FGF14: variants seen among roughly 807,000 people sequenced by gnomAD.
FGF14 encodes the protein fibroblast growth factor homologous factor 4.
In FGF14, 5 loss-of-function variants were observed where a neutral mutation model predicts 25.5. The observed-to-expected ratio is 0.20, with a 90% CI of 0.10 to 0.41. FGF14 has a LOEUF of 0.41. Ranked by LOEUF, FGF14 falls within the 10% of genes least tolerant of loss-of-function variation. FGF14 has a pLI of 1.00. For missense variants in FGF14, 222 were observed against 320.1 expected (o/e 0.69, Z 2.34); for synonymous variants, 138 against 118.3 (o/e 1.17, Z -1.08).
intron 1 of FGF14, among the ~76,000 whole-genome samples, chr13:102,235,003 G>A (rs533438453): frequency 6.5e-4 from 99 of 152,266 alleles, no homozygotes; most frequent in African/African-American, 2.3e-3. Context: ...ATAGAATACA[G>A]TATCTGTCAT....
intron 3 of FGF14, among the ~76,000 whole-genome samples, chr13:101,810,476 C>G (rs2041442650): frequency 6.6e-6 from 1 of 152,142 alleles, no homozygotes; most frequent in East Asian, 1.9e-4. Context: ...TAGATGAAGC[C>G]TGCTTAGTGG....
chr13:102,286,955 G>A (rs2054128729), intron 1 of FGF14, among the ~76,000 whole-genome samples: 1 of 150,118 alleles, frequency 6.7e-6, no homozygotes, highest in South Asian at 2.2e-4. Context: ...GACAATGGTT[G>A]TGATATTTGA....
chr13:102,120,941 T>C (rs1211563990), intron 1 of FGF14, among the ~76,000 whole-genome samples: 4 of 152,114 alleles, frequency 2.6e-5, no homozygotes, highest in Non-Finnish European at 5.9e-5. Context: ...TGATCTCAGG[T>C]GATCCGCCTG....
intron 3 of FGF14, among the ~76,000 whole-genome samples, chr13:101,775,221 A>C (rs2039030226): frequency 6.6e-6 from 1 of 152,176 alleles, no homozygotes; most frequent in Non-Finnish European, 1.5e-5. Context: ...TGTTCTAATA[A>C]AGAAATTAGA....
intron 1 of FGF14, among the ~76,000 whole-genome samples, chr13:102,372,663 G>GT (rs374661515): frequency 0.017 from 2,470 of 148,790 alleles, 64 homozygotes; most frequent in African/African-American, 0.056. Context: ...TCTCAGAATA[G>GT]TTTTTTTTTT....
At chr13:101,819,625 C>A (rs1430473555) in intron 3 of FGF14, among the ~76,000 whole-genome samples, 1 of 152,214 alleles carries the variant, frequency 6.6e-6, no homozygotes, top group Non-Finnish European at 1.5e-5. Flanking sequence ...TTCAAAATAA[C>A]TGCATCAGCA....
chr13:101,883,482 G>A (rs750052978), intron 1 of FGF14, among the ~76,000 whole-genome samples: 5 of 152,124 alleles, frequency 3.3e-5, no homozygotes, highest in African/African-American at 7.2e-5. Context: ...TGTTCCAAGC[G>A]TTTTGTTAGG....
chr13:102,340,408 T>G (rs947428401), intron 1 of FGF14, among the ~76,000 whole-genome samples: 1 of 151,868 alleles, frequency 6.6e-6, no homozygotes, highest in East Asian at 1.9e-4. Context: ...AGCTATTCTT[T>G]GCCCGCACAT....
chr13:102,277,581 C>G (rs1356952723), intron 1 of FGF14, among the ~76,000 whole-genome samples: 1 of 152,228 alleles, frequency 6.6e-6, no homozygotes. Context: ...CAGCCCTGGG[C>G]TCTGCTCTGC....
intron 1 of FGF14, among the ~76,000 whole-genome samples, chr13:101,988,830 C>T (rs1177369606): frequency 6.6e-6 from 1 of 151,902 alleles, no homozygotes. Context: ...ACGTTGTGCA[C>T]ATGTACCCTA....
intron 1 of FGF14, among the ~76,000 whole-genome samples, chr13:102,397,573 C>G (rs1006682829): frequency 6.6e-6 from 1 of 152,136 alleles, no homozygotes; most frequent in Admixed American, 6.5e-5. Flanking sequence ...AAAATCCTAC[C>G]AAGCCATGGA....
At chr13:102,006,335 G>C (rs1376251506) in intron 1 of FGF14, among the ~76,000 whole-genome samples, 1 of 152,128 alleles carries the variant, frequency 6.6e-6, no homozygotes, top group Non-Finnish European at 1.5e-5. Context: ...AGCTGATGAA[G>C]AACAGCAGGT....
chr13:101,724,907 T>A (rs1197109404), intron 4 of FGF14, among the ~76,000 whole-genome samples: 1 of 151,824 alleles, frequency 6.6e-6, no homozygotes, highest in Non-Finnish European at 1.5e-5. Flanking sequence ...AACACTCATA[T>A]ACACATAACA....
chr13:101,975,014 G>A (rs530642562), intron 1 of FGF14, among the ~76,000 whole-genome samples: 38 of 152,190 alleles, frequency 2.5e-4, no homozygotes, highest in African/African-American at 8.7e-4. Flanking sequence ...GGGGTGGGAA[G>A]CGTAAAATAA....
intron 3 of FGF14, among the ~76,000 whole-genome samples, chr13:101,770,572 C>G (rs1321977732): frequency 1.3e-5 from 2 of 152,070 alleles, no homozygotes; most frequent in African/African-American, 2.4e-5. Flanking sequence ...AAACAGTCAT[C>G]TAATTGTTTT....
intron 1 of FGF14, among the ~76,000 whole-genome samples, chr13:101,922,700 T>A (rs2034087724): frequency 6.6e-6 from 1 of 152,234 alleles, no homozygotes; most frequent in South Asian, 2.1e-4. Flanking sequence ...TTATTGAAAT[T>A]GAATTGATTA....
chr13:101,827,990 T>C (rs527427269), intron 3 of FGF14, among the ~76,000 whole-genome samples: 94 of 151,388 alleles, frequency 6.2e-4, no homozygotes, highest in African/African-American at 2.0e-3. Flanking sequence ...CATGTCAGGA[T>C]ATAAATTTCA....
rs565634859 is a variant in FGF14 at position 102,189,369 on chromosome 13, A to T, written c.208+212102T>A. ...TAGGAAAATAACTAAGGATGGCAGG[A>T]TAAGGTGGAGAGAGGAAAAATCAGA... On this transcript the variant is annotated intron_variant, in intron 1 of 4. Coordinates refer to the FGF14 transcript ENST00000376131. Among the ~76,000 whole-genome samples the T allele has an allele frequency of 5.0e-4, 76 of 152,358 alleles. 1 individual carries two copies. The highest frequency in any genetic ancestry group is 1.6e-3 in the African/African-American group (65 of 41,594).
chr13:101,895,773 T>C (rs2030560252), intron 1 of FGF14, among the ~76,000 whole-genome samples: 2 of 152,204 alleles, frequency 1.3e-5, no homozygotes, highest in Admixed American at 1.3e-4. Flanking sequence ...TTGTGAGAGT[T>C]ATATGGAGTG....
Sources: allele counts gnomAD v4.1 joint callset (sites outside exome capture counted in the v4.1 genomes callset), GRCh38; gene constraint gnomAD v4.1.1; transcripts MANE v1.5; gene names NCBI Gene and HGNC (gene_info 2026-07-23, HGNC 2026-07-21).